NLRP3: variants seen among roughly 807,000 people sequenced by gnomAD.
The protein encoded by NLRP3 is NLR family pyrin domain containing 3.
A neutral mutation model predicts 91.3 loss-of-function variants in NLRP3; 48 were observed. The ratio of observed to expected loss-of-function variants is 0.53; its 90% confidence interval spans 0.42 to 0.67. NLRP3 has a LOEUF of 0.67. Ranked by LOEUF, NLRP3 falls within the 30% of genes least tolerant of loss-of-function variation. The pLI, the probability that NLRP3 is intolerant of heterozygous loss-of-function variation, is 0.00. For synonymous variants in NLRP3, 561 were observed against 507.9 expected, an observed-to-expected ratio of 1.10 and a Z score of -1.41; for missense variants, 982 against 1,276.9, an observed-to-expected ratio of 0.77 and a Z score of 3.52.
At chr1:247,433,421 C>T (rs150329274) in intron 5 of NLRP3, among the ~76,000 whole-genome samples, 85 of 152,272 alleles carry the variant, frequency 5.6e-4, no homozygotes, top group African/African-American at 1.7e-3. Context: ...AGGCCCACAC[C>T]GCCCGCTTCA....
In NLRP3 at chr1:247,427,140, C is replaced by G. The variant is rs138429272; in HGVS notation, c.2150+1541C>G. 5.0e-3 allele frequency among the ~76,000 whole-genome samples: 763 copies of G among 152,220 alleles called. 11 individuals carry two copies. The highest frequency in any genetic ancestry group is 0.017 in the African/African-American group (704 of 41,534). On this transcript the variant is annotated intron_variant, in intron 4 of 9. Coordinates refer to ENST00000336119, the MANE Select transcript of NLRP3 (RefSeq NM_001243133.2). ...AGGGCCTGTTCCCTGGTCGATGGTG[C>G]CTTCTCACTGTGTCCTTACATGGTG...
intron 9 of NLRP3, among the ~76,000 whole-genome samples, 165 bp from the exon 10 acceptor site, chr1:247,448,240 G>A (rs1479298545): frequency 6.6e-6 from 1 of 150,472 alleles, no homozygotes; most frequent in Non-Finnish European, 1.5e-5. Flanking sequence ...CGGCGAGGAC[G>A]CGGAGCACTC....
intron 7 of NLRP3, among the ~76,000 whole-genome samples, chr1:247,441,199 C>CA (rs1572219927): frequency 3.7e-5 from 4 of 107,174 alleles, no homozygotes; most frequent in Non-Finnish European, 7.9e-5. Context: ...CCCCTCCCCC[C>CA]CCCCTTTCCC....
At position 247,418,828 on chromosome 1, in the gene NLRP3, A is replaced by C. The variant is rs1057515531; in HGVS notation, c.28A>C (p.Arg10=). Reference sequence around the variant, plus strand: ...GGCAAGCACCCGCTGCAAGCTGGCCAGGTACCTGGAGGACCTGGAGGATGT... The same window carrying C: ...GGCAAGCACCCGCTGCAAGCTGGCCCGGTACCTGGAGGACCTGGAGGATGT... MASTRCKLA[R]YLEDLEDVDL... Residue 10 remains arginine, a synonymous_variant, in exon 2 of 10, where the codon AGG becomes CGG. Coordinates refer to ENST00000336119, the MANE Select transcript of NLRP3 (RefSeq NM_001243133.2). The C allele has an allele frequency of 1.2e-6, 2 of 1,613,982 alleles. No individual in the cohort carries two copies. Among genetic ancestry groups the C allele is most frequent in the African/African-American group, 2.7e-5 (2 of 74,928 alleles).
intron 7 of NLRP3, among the ~76,000 whole-genome samples, chr1:247,439,729 T>C (rs1478218422): frequency 6.6e-6 from 1 of 152,224 alleles, no homozygotes; most frequent in African/African-American, 2.4e-5. Flanking sequence ...ATAAATATTT[T>C]TCTGTGATAT....
intron 2 of NLRP3, among the ~76,000 whole-genome samples, chr1:247,419,667 T>C (rs1299501897): frequency 4.6e-5 from 7 of 152,216 alleles, no homozygotes; most frequent in Non-Finnish European, 8.8e-5. Flanking sequence ...AGTGGAAACA[T>C]ACAGCATTTT....
intron 5 of NLRP3, 39 bp downstream of exon 5, chr1:247,429,794 CAT>C: frequency 6.2e-7 from 1 of 1,606,340 alleles, no homozygotes; most frequent in African/African-American, 1.3e-5. Flanking sequence ...AGTGCAAGTT[CAT>C]ATGAGAGAGA....
chr1:247,446,351 A>T (rs1443195415), intron 9 of NLRP3, among the ~76,000 whole-genome samples: 1 of 152,202 alleles, frequency 6.6e-6, no homozygotes, highest in African/African-American at 2.4e-5. Flanking sequence ...AACTCGCATC[A>T]TATCACTCTT....
chr1:247,442,654 C>A (rs74154646), intron 7 of NLRP3, among the ~76,000 whole-genome samples: 1 of 152,192 alleles, frequency 6.6e-6, no homozygotes, highest in Non-Finnish European at 1.5e-5. Context: ...CCACCACACA[C>A]CTGCTCTGTG....
chr1:247,433,291 A>G (rs1472249665), intron 5 of NLRP3, among the ~76,000 whole-genome samples: 2 of 152,232 alleles, frequency 1.3e-5, no homozygotes, highest in East Asian at 3.8e-4. Context: ...GAAATCGTCA[A>G]ACACAATGGG....
At chr1:247,416,947 G>C (rs1184082139) in intron 1 of NLRP3, among the ~76,000 whole-genome samples, 2 of 152,178 alleles carry the variant, frequency 1.3e-5, no homozygotes, top group Non-Finnish European at 2.9e-5. Flanking sequence ...TTGCCAAATA[G>C]AGTATAATCA....
At chr1:247,441,109 CTTTCTCTCTT>C (rs1290826119) in intron 7 of NLRP3, among the ~76,000 whole-genome samples, 1 of 129,312 alleles carries the variant, frequency 7.7e-6, no homozygotes, top group Admixed American at 9.3e-5. Flanking sequence ...CTCCTCCTTT[CTTTCTCTCTT>C]TTTCTTTTTC....
intron 9 of NLRP3, among the ~76,000 whole-genome samples, chr1:247,447,548 G>C (rs1664662825): frequency 6.6e-6 from 1 of 152,200 alleles, no homozygotes; most frequent in South Asian, 2.1e-4. Context: ...TAGTTAAGTT[G>C]CAAGGGAAAC....
chr1:247,433,018 G>GATA (rs1202855269), intron 5 of NLRP3, among the ~76,000 whole-genome samples: 132 of 151,410 alleles, frequency 8.7e-4, no homozygotes, highest in African/African-American at 3.0e-3. Flanking sequence ...GTCTTTAGAA[G>GATA]ATAATAATAA....
intron 9 of NLRP3, 49 bp downstream of exon 9, chr1:247,444,870 G>A: frequency 6.3e-7 from 1 of 1,592,938 alleles, no homozygotes; most frequent in South Asian, 1.1e-5. Context: ...GAGTTCTCAG[G>A]AAACGTTGAC....
At position 247,430,369 on chromosome 1, in the gene NLRP3, G is replaced by T. The variant is rs75550477; in HGVS notation, c.2321+614G>T. ...TACTGATGCCATCTTGCCTTGGGGG[G>T]AAGAGTGGCCTAGTCTCCTCTTCTT... On this transcript the variant is annotated intron_variant, in intron 5 of 9. Transcript: ENST00000336119. Among the ~76,000 whole-genome samples the T allele has an allele frequency of 7.1e-3, 1,087 of 152,274 alleles. 11 individuals carry two copies. Among genetic ancestry groups the T allele is most frequent in the African/African-American group, 0.025 (1,024 of 41,538 alleles).
At chr1:247,416,772 C>T (rs186454093) in intron 1 of NLRP3, among the ~76,000 whole-genome samples, 8 of 151,984 alleles carry the variant, frequency 5.3e-5, no homozygotes, top group Admixed American at 1.3e-4. Context: ...GCTCAGGAGG[C>T]GAGGAGTAGA....
At chr1:247,440,894 G>T (rs771698648) in intron 7 of NLRP3, among the ~76,000 whole-genome samples, 1 of 152,054 alleles carries the variant, frequency 6.6e-6, no homozygotes, top group Non-Finnish European at 1.5e-5. Flanking sequence ...CATCTAAGAA[G>T]CTCCTACTTA....
Position 247,424,096 on chromosome 1 carries a change from C to T in NLRP3, c.647C>T (p.Pro216Leu), listed in dbSNP as rs777663230. 2 of 1,614,126 alleles carry T rather than the reference C, an allele frequency of 1.2e-6. No homozygotes were observed. Among genetic ancestry groups the T allele is most frequent in the Non-Finnish European group, 1.7e-6 (2 of 1,180,036 alleles). Residue 216 changes from proline to leucine, a missense_variant, in exon 4 of 10, where the codon CCT becomes CTT. By Grantham distance (98) the Pro-to-Leu change is moderately conservative (BLOSUM62 -3). Around this residue, in one of 5 missense-constraint regions of NLRP3, gnomAD observed 548 missense variants for 713.7 expected, o/e 0.77. Transcript: ENST00000336119. This position sits in a 1 kb window ranked among gnomAD's most constrained non-coding sequence, Gnocchi z 8.1. ...GACCCCGATGATGAGCATTCTGAGC[C>T]TGTGCACACCGTGGTGTTCCAGGGG... The part of the protein sequence containing the change: ...LFDPDDEHSE[P>L]VHTVVFQGAA...
Sources: gnomAD v4.1 joint callset for allele counts (sites outside exome capture counted in the v4.1 genomes callset) on GRCh38, gnomAD v4.1.1 for gene constraint, gnomAD v4.1.1 regional missense constraint, Gnocchi (gnomAD v3.1) non-coding constraint, MANE v1.5 for transcripts, NCBI Gene and HGNC (gene_info 2026-07-23, HGNC 2026-07-21) for gene names.